Variants in IQCM observed in about 807,000 individuals in gnomAD.
The protein encoded by IQCM is IQ motif containing M.
In IQCM, 45 loss-of-function variants were observed where a neutral mutation model predicts 57.6. The ratio of observed to expected loss-of-function variants is 0.78; its 90% CI spans 0.62 to 1.00. IQCM has a LOEUF of 1.00. IQCM is among the 50% of genes least tolerant of loss of function. IQCM has a pLI of 0.00. For missense variants in IQCM, 468 were observed against 511.6 expected (o/e 0.91, Z 0.82); for synonymous variants, 148 against 158.9 (o/e 0.93, Z 0.51).
intron 12 of IQCM, among the ~76,000 whole-genome samples, chr4:149,529,227 C>G (rs1435817648): frequency 6.6e-6 from 1 of 152,072 alleles, no homozygotes; most frequent in Non-Finnish European, 1.5e-5. Flanking sequence ...CAACAGCCAG[C>G]TAATTTTTGT....
At chr4:149,396,151 C>T (rs1732213272) in intron 13 of IQCM, among the ~76,000 whole-genome samples, 1 of 151,584 alleles carries the variant, frequency 6.6e-6, no homozygotes, top group Non-Finnish European at 1.5e-5. Flanking sequence ...TCGAAAAATA[C>T]TACAAAAAAT....
Position 149,368,880 on chromosome 4 carries a change from GTA to G in IQCM, c.1391-16816_1391-16815del, listed in dbSNP as rs1160730797. On this transcript the variant is annotated intron_variant, in intron 13 of 13. Transcript: ENST00000636793. Reference sequence around the variant, plus strand: ...TGTATATATATACATATATACACGTGTATATATATGTATATATATACACGTGT... The same window carrying G: ...TGTATATATATACATATATACACGTGTATATATGTATATATATACACGTGT... Among the ~76,000 whole-genome samples, 4 of 48,278 alleles carry G rather than the reference GTA, an allele frequency of 8.3e-5. 1 individual carries two copies. Among genetic ancestry groups the G allele is most frequent in the South Asian group, 4.9e-4 (1 of 2,054 alleles). 31.7% of individuals were successfully genotyped at this position (48,278 alleles called of 152,430 possible). A position where few individuals can be genotyped will look rare whatever the true frequency, so the allele number is the denominator to read the frequency against.
chr4:149,545,995 T>C (rs983075109), intron 12 of IQCM, among the ~76,000 whole-genome samples: 1 of 151,988 alleles, frequency 6.6e-6, no homozygotes, highest in Non-Finnish European at 1.5e-5. Flanking sequence ...CAGGCCCCAG[T>C]GTGTGATGTT....
chr4:149,500,738 AG>A (rs1396378239), intron 12 of IQCM, among the ~76,000 whole-genome samples: 1 of 152,186 alleles, frequency 6.6e-6, no homozygotes, highest in Non-Finnish European at 1.5e-5. Flanking sequence ...CAGTCCACCT[AG>A]GGTCAGTAAG....
At chr4:149,549,125 T>C (rs1430278582) in intron 11 of IQCM, among the ~76,000 whole-genome samples, 1 of 152,206 alleles carries the variant, frequency 6.6e-6, no homozygotes, top group East Asian at 1.9e-4. Context: ...AGATACTTTG[T>C]CACTCCTGGC....
chr4:149,428,009 T>G (rs1302951100), intron 13 of IQCM, among the ~76,000 whole-genome samples: 1 of 151,894 alleles, frequency 6.6e-6, no homozygotes, highest in Non-Finnish European at 1.5e-5. Context: ...GCATTTAAAC[T>G]TATCCAAATT....
intron 2 of IQCM, among the ~76,000 whole-genome samples, chr4:149,760,415 G>A (rs1769392540): frequency 6.6e-6 from 1 of 152,070 alleles, no homozygotes; most frequent in South Asian, 2.1e-4. Flanking sequence ...GATGAAAATA[G>A]TACAGCAGAA....
intron 5 of IQCM, among the ~76,000 whole-genome samples, chr4:149,729,004 T>C (rs572620720): frequency 1.3e-5 from 2 of 152,246 alleles, no homozygotes; most frequent in Admixed American, 6.5e-5. Flanking sequence ...CATACAGTAA[T>C]AGAGCAGGTA....
At chr4:149,416,453 A>T (rs539836257) in intron 13 of IQCM, among the ~76,000 whole-genome samples, 1 of 152,156 alleles carries the variant, frequency 6.6e-6, no homozygotes, top group African/African-American at 2.4e-5. Context: ...TCTCTTTCAT[A>T]AGGCAGTGTT....
intron 2 of IQCM, among the ~76,000 whole-genome samples, chr4:149,781,300 T>A (rs555704334): frequency 6.6e-6 from 1 of 152,152 alleles, no homozygotes; most frequent in African/African-American, 2.4e-5. Context: ...CAGAAATAAA[T>A]AATTTAGAAG....
intron 7 of IQCM, among the ~76,000 whole-genome samples, chr4:149,639,089 T>G (rs916992274): frequency 3.9e-5 from 6 of 152,166 alleles, no homozygotes; most frequent in Non-Finnish European, 8.8e-5. Context: ...AAGGCACGTT[T>G]GAGATCTGGT....
At chr4:149,365,988 T>A (rs1369291764) in intron 13 of IQCM, among the ~76,000 whole-genome samples, 2 of 152,138 alleles carry the variant, frequency 1.3e-5, no homozygotes, top group African/African-American at 2.4e-5. Flanking sequence ...AAATGTTAGT[T>A]TCTTAGTTTT....
At position 149,539,961 on chromosome 4, in the gene IQCM, G is replaced by A. The variant is rs77797964; in HGVS notation, c.1228+8494C>T. ...TCCAATGGATATCCCAGGTGTTATA[G>A]ACTGAATTGTGTCTCCTCCCAAAAT... On this transcript the variant is annotated intron_variant, in intron 12 of 13. Coordinates refer to ENST00000636793, the MANE Select transcript of IQCM (RefSeq NM_001363507.2). Among the ~76,000 whole-genome samples the A allele has an allele frequency of 8.5e-4, 130 of 152,286 alleles. 2 individuals are homozygous for A. The East Asian group carries it at 0.021, about 25-fold the overall frequency.
At chr4:149,445,528 T>A (rs1736414639) in intron 12 of IQCM, among the ~76,000 whole-genome samples, 1 of 151,784 alleles carries the variant, frequency 6.6e-6, no homozygotes, top group African/African-American at 2.4e-5. Flanking sequence ...CCTGGTAAGA[T>A]CAAATATACA....
intron 11 of IQCM, among the ~76,000 whole-genome samples, chr4:149,549,549 T>C (rs1748818808): frequency 1.3e-5 from 2 of 151,866 alleles, no homozygotes; most frequent in Admixed American, 1.3e-4. Context: ...ATACATTTTA[T>C]AAGTATAGTT....
At chr4:149,651,001 T>A (rs1258105432) in intron 7 of IQCM, among the ~76,000 whole-genome samples, 1 of 152,054 alleles carries the variant, frequency 6.6e-6, no homozygotes, top group Non-Finnish European at 1.5e-5. Flanking sequence ...AAACCATTAA[T>A]AAAAGTGAAA....
chr4:149,725,626 C>T (rs1398840878), intron 5 of IQCM, among the ~76,000 whole-genome samples: 1 of 152,056 alleles, frequency 6.6e-6, no homozygotes, highest in Non-Finnish European at 1.5e-5. Flanking sequence ...TTCCCTCTTA[C>T]ATTGTCCACC....
rs187635001 is a variant in IQCM, at chr4:149,523,955, A to G, written c.1228+24500T>C. Among the ~76,000 whole-genome samples the G allele has an allele frequency of 2.9e-3, 439 of 152,318 alleles. 3 individuals carry two copies. The highest frequency in any genetic ancestry group is 9.9e-3 in the African/African-American group (412 of 41,576). On this transcript the variant is annotated intron_variant, in intron 12 of 13. Coordinates refer to ENST00000636793, the MANE Select transcript of IQCM (RefSeq NM_001363507.2). ...CTTGTTCATACATAATTGCATATAT[A>G]GTGTTTATAACAGCTTTGTGTATAA...
chr4:149,563,663 C>T lies in IQCM; in HGVS notation c.948+29G>A, dbSNP rs1006744203. The T allele has an allele frequency of 1.4e-5, 17 of 1,209,204 alleles. No individual in the cohort carries two copies. In the African/African-American group the frequency reaches 2.7e-4, roughly 19 times the overall value. 74.9% of individuals were successfully genotyped at this position (1,209,204 alleles called of 1,614,324 possible). ...ATTGAATCTAATGAGAAATTTTAAA[C>T]ACATTATAATATCTGATGGATATCT... On this transcript the variant is annotated intron_variant, in intron 10 of 13. Coordinates refer to ENST00000636793, the MANE Select transcript of IQCM (RefSeq NM_001363507.2).
Sources: allele counts gnomAD v4.1 joint callset (sites outside exome capture counted in the v4.1 genomes callset), GRCh38; gene constraint gnomAD v4.1.1; transcripts MANE v1.5; gene names NCBI Gene and HGNC (gene_info 2026-07-23, HGNC 2026-07-21).